NRG1: variants seen among roughly 807,000 people sequenced by gnomAD.
NRG1 encodes the protein neuregulin 1, also known as pro-neuregulin-1, membrane-bound isoform.
In NRG1, 18 loss-of-function variants were observed where a neutral mutation model predicts 63.8. The observed-to-expected ratio is 0.28, with a 90% CI of 0.19 to 0.42. The LOEUF is 0.42. Ranked by LOEUF, NRG1 falls within the 10% of genes least tolerant of loss-of-function variation. NRG1 has a pLI of 1.00. For synonymous variants in NRG1, 302 were observed against 301.3 expected (o/e 1.00, Z -0.02); for missense variants, 762 against 814.7 (o/e 0.94, Z 0.79).
At chr8:31,971,290 T>G (rs1486810518) in intron 1 of NRG1, among the ~76,000 whole-genome samples, 1 of 152,178 alleles carries the variant, frequency 6.6e-6, no homozygotes, top group Non-Finnish European at 1.5e-5. Context: ...GAAGTCTGAC[T>G]TATCAGTTTT....
intron 5 of NRG1, among the ~76,000 whole-genome samples, chr8:32,684,864 A>C (rs1432300252): frequency 6.6e-6 from 1 of 151,788 alleles, no homozygotes; most frequent in Non-Finnish European, 1.5e-5. Flanking sequence ...AGGAAAAAAA[A>C]CGCATACATA....
At chr8:32,657,452 G>A (rs960343065) in intron 5 of NRG1, among the ~76,000 whole-genome samples, 1 of 152,080 alleles carries the variant, frequency 6.6e-6, no homozygotes, top group Admixed American at 6.5e-5. Flanking sequence ...AAGCATCAGA[G>A]GTTATAGAGT....
At chr8:31,764,005 C>CAA (rs559731505) in intron 1 of NRG1, among the ~76,000 whole-genome samples, 6,245 of 61,134 alleles carry the variant, frequency 0.1, 663 homozygotes, top group Middle Eastern at 0.16. Flanking sequence ...GACTCCATCT[C>CAA]AAAAAAAAAA....
At chr8:32,517,711 GA>G (rs909768716) in intron 1 of NRG1, among the ~76,000 whole-genome samples, 6 of 152,126 alleles carry the variant, frequency 3.9e-5, no homozygotes, top group African/African-American at 1.4e-4. Context: ...GCCTCATATG[GA>G]GCATAAAATA....
intron 1 of NRG1, among the ~76,000 whole-genome samples, chr8:31,721,653 A>G (rs1269136561): frequency 1.3e-5 from 2 of 152,136 alleles, no homozygotes; most frequent in African/African-American, 2.4e-5. Context: ...TGATATGAAC[A>G]TTTGAAGCAA....
intron 1 of NRG1, among the ~76,000 whole-genome samples, chr8:32,457,925 T>G (rs991621503): frequency 2.5e-4 from 38 of 152,128 alleles, no homozygotes; most frequent in Non-Finnish European, 3.8e-4. Flanking sequence ...ACTTTTTTTT[T>G]TTTGTTTTTT....
chr8:32,164,400 A>G (rs987576335), intron 1 of NRG1, among the ~76,000 whole-genome samples: 1 of 152,180 alleles, frequency 6.6e-6, no homozygotes, highest in African/African-American at 2.4e-5. Context: ...CTGCCTCCTG[A>G]CATCAGCTCA....
chr8:32,101,384 AC>A (rs1830555592), intron 1 of NRG1, among the ~76,000 whole-genome samples: 1 of 152,148 alleles, frequency 6.6e-6, no homozygotes. Flanking sequence ...AACATAGGAA[AC>A]AACTATGAGG....
At chr8:32,482,960 A>G (rs1210630446) in intron 1 of NRG1, among the ~76,000 whole-genome samples, 1 of 152,262 alleles carries the variant, frequency 6.6e-6, no homozygotes, top group Non-Finnish European at 1.5e-5. Context: ...CTCATTTGAG[A>G]CAAGGCTTTG....
rs145171580 is a variant in NRG1 at position 31,745,380 on chromosome 8, C to T, written c.37+105949C>T. Among the ~76,000 whole-genome samples the T allele has an allele frequency of 2.6e-5, 4 of 152,002 alleles. No homozygotes were observed. In the South Asian group the frequency reaches 8.3e-4, roughly 31 times the overall value. On this transcript the variant is annotated intron_variant, in intron 1 of 10. Coordinates refer to the NRG1 transcript ENST00000519301. ...CAGGATATAGGAGTCGTGGCGGCCA[C>T]TGTAAAACTCGGTGGTTCAGATGTG...
chr8:32,151,613 G>A (rs1444056927), intron 1 of NRG1, among the ~76,000 whole-genome samples: 2 of 152,126 alleles, frequency 1.3e-5, no homozygotes, highest in African/African-American at 4.8e-5. Flanking sequence ...GGAAATGTAA[G>A]TCTCTATACT....
chr8:32,130,108 A>G (rs1834613869), intron 1 of NRG1, among the ~76,000 whole-genome samples: 1 of 151,922 alleles, frequency 6.6e-6, no homozygotes, highest in African/African-American at 2.4e-5. Context: ...AGATTTCCAA[A>G]TTAAGGAGAT....
intron 1 of NRG1, among the ~76,000 whole-genome samples, chr8:31,995,554 A>G (rs1811830940): frequency 6.6e-6 from 1 of 151,966 alleles, no homozygotes; most frequent in African/African-American, 2.4e-5. Flanking sequence ...CTTACTTTAT[A>G]GGCAGATGCT....
chr8:32,342,708 T>C (rs777449867), intron 1 of NRG1, among the ~76,000 whole-genome samples: 3 of 152,236 alleles, frequency 2.0e-5, no homozygotes, highest in Non-Finnish European at 4.4e-5. Context: ...TAAATATTGG[T>C]GCATATTAGA....
chr8:32,614,647 C>T (rs1847003267), intron 4 of NRG1, 83 bp downstream of exon 4: 2 of 1,264,180 alleles, frequency 1.6e-6, no homozygotes, highest in Non-Finnish European at 1.1e-6. Context: ...ATCAGAACCC[C>T]TTCTGCATCC....
intron 1 of NRG1, among the ~76,000 whole-genome samples, chr8:32,239,670 T>C (rs995452114): frequency 6.6e-6 from 1 of 152,074 alleles, no homozygotes; most frequent in East Asian, 1.9e-4. Flanking sequence ...TCAAGAAAGA[T>C]TTTGTACCTA....
chr8:32,378,917 G>C (rs1023537661), intron 1 of NRG1, among the ~76,000 whole-genome samples: 1 of 151,916 alleles, frequency 6.6e-6, no homozygotes, highest in African/African-American at 2.4e-5. Context: ...ATGGTTTCCA[G>C]TTTCATCCAT....
intron 1 of NRG1, chr8:32,440,805 G>T (rs1421816655): frequency 6.6e-6 from 1 of 152,072 alleles, no homozygotes; most frequent in African/African-American, 2.4e-5. Context: ...GTATTATATG[G>T]TATTATTAAT....
intron 1 of NRG1, among the ~76,000 whole-genome samples, chr8:32,320,871 A>G (rs1801303310): frequency 6.6e-6 from 1 of 152,208 alleles, no homozygotes. Context: ...TAATTCTGAT[A>G]CTAGCGATCA....
Sources: allele counts gnomAD v4.1 joint callset (sites outside exome capture counted in the v4.1 genomes callset), GRCh38; gene constraint gnomAD v4.1.1; transcripts MANE v1.5; gene names NCBI Gene and HGNC (gene_info 2026-07-23, HGNC 2026-07-21).